The following RBFOX1 variants were observed in gnomAD, a reference collection of about 807,000 sequenced individuals.
RBFOX1 encodes RNA binding fox-1 homolog 1.
Under a neutral mutation model 57.7 loss-of-function variants are expected in RBFOX1, and 8 were observed. The observed-to-expected ratio is 0.14, with a 90% CI of 0.08 to 0.25. The LOEUF (loss-of-function observed/expected upper bound fraction) is 0.25. Ranked by LOEUF, RBFOX1 falls within the 10% of genes least tolerant of loss-of-function variation. The pLI is 1.00. For synonymous variants in RBFOX1, 326 were observed against 222.4 expected (o/e 1.47, Z -4.15); for missense variants, 611 against 548.5 (o/e 1.11, Z -1.14).
At chr16:6,882,423 C>T (rs1001152356) in intron 3 of RBFOX1, among the ~76,000 whole-genome samples, 3 of 151,982 alleles carry the variant, frequency 2.0e-5, no homozygotes, top group African/African-American at 7.3e-5. Flanking sequence ...GATGAAACCC[C>T]ATCTTCACTA....
rs977895908 is a variant in RBFOX1, at chr16:6,179,026, G to C, written c.-126-137969G>C. Among the ~76,000 whole-genome samples the C allele has an allele frequency of 3.3e-5, 5 of 152,190 alleles. No individual in the cohort carries two copies. The East Asian group carries it at 9.6e-4, about 29-fold the overall frequency. ...TGTATACCACTCAACAAGCCATCTG[G>C]AGACCATCATGGGCTGAACTCAGGT... On this transcript the variant is annotated intron_variant, in intron 1 of 15. Transcript: ENST00000550418.
intron 3 of RBFOX1, among the ~76,000 whole-genome samples, chr16:6,937,118 C>A (rs58567150): frequency 0.24 from 36,359 of 152,016 alleles, 5,870 homozygotes; most frequent in African/African-American, 0.47. Flanking sequence ...AAAAAAAGAT[C>A]CATCAGCCAG....
intron 4 of RBFOX1, among the ~76,000 whole-genome samples, chr16:7,065,158 G>A (rs1202903291): frequency 1.3e-5 from 2 of 152,192 alleles, no homozygotes; most frequent in Admixed American, 1.3e-4. Context: ...TTACCTAAAT[G>A]AGCAAGCAAC....
At chr16:5,367,020 A>G (rs757633967) in intron 1 of RBFOX1, among the ~76,000 whole-genome samples, 2 of 152,240 alleles carry the variant, frequency 1.3e-5, no homozygotes, top group Non-Finnish European at 2.9e-5. Context: ...CACAGTTTCT[A>G]TTGACTTAAT....
intron 2 of RBFOX1, among the ~76,000 whole-genome samples, chr16:6,379,746 G>T (rs750000792): frequency 1.3e-5 from 2 of 152,060 alleles, no homozygotes; most frequent in African/African-American, 4.8e-5. Context: ...CCAGAGACAG[G>T]TGGCTTTGAG....
chr16:6,962,698 C>A (rs922123451), intron 3 of RBFOX1, among the ~76,000 whole-genome samples: 5 of 152,056 alleles, frequency 3.3e-5, no homozygotes, highest in African/African-American at 1.2e-4. Flanking sequence ...AAGTCAGCCT[C>A]TACAAATAGT....
intron 3 of RBFOX1, among the ~76,000 whole-genome samples, chr16:6,773,273 GTGT>G (rs2078716555): frequency 4.1e-5 from 6 of 144,934 alleles, no homozygotes; most frequent in East Asian, 2.2e-4. Flanking sequence ...ATTTGTGTGT[GTGT>G]AAGTGTATGT....
intron 9 of RBFOX1, among the ~76,000 whole-genome samples, chr16:7,604,594 GA>G (rs1175408655): frequency 6.6e-6 from 1 of 152,154 alleles, no homozygotes; most frequent in Non-Finnish European, 1.5e-5. Flanking sequence ...ATTATAGGGG[GA>G]TAGACAGATT....
At chr16:5,269,482 C>G (rs1250716338) in intron 1 of RBFOX1, among the ~76,000 whole-genome samples, 1 of 152,234 alleles carries the variant, frequency 6.6e-6, no homozygotes, top group Non-Finnish European at 1.5e-5. Flanking sequence ...TGCCCATCAC[C>G]AGATGAAGAG....
chr16:7,544,945 A>C (rs1402493654), intron 5 of RBFOX1, among the ~76,000 whole-genome samples: 1 of 152,274 alleles, frequency 6.6e-6, no homozygotes, highest in South Asian at 2.1e-4. Flanking sequence ...CTCCAATAGC[A>C]GCTCAGTTAC....
intron 2 of RBFOX1, among the ~76,000 whole-genome samples, chr16:6,517,847 C>A (rs150729803): frequency 6.6e-6 from 1 of 152,152 alleles, no homozygotes; most frequent in African/African-American, 2.4e-5. Context: ...AGTACATAAC[C>A]AGAGATTGTA....
intron 3 of RBFOX1, among the ~76,000 whole-genome samples, 174 bp from the exon 4 acceptor site, chr16:7,051,883 A>G (rs939758589): frequency 2.6e-5 from 4 of 152,278 alleles, no homozygotes; most frequent in South Asian, 2.1e-4. Context: ...GAATCACACA[A>G]TTGAACTCCA....
At chr16:6,794,191 GC>G (rs1208861227) in intron 3 of RBFOX1, among the ~76,000 whole-genome samples, 1 of 151,976 alleles carries the variant, frequency 6.6e-6, no homozygotes, top group Non-Finnish European at 1.5e-5. Context: ...AGAAGTTGAT[GC>G]GGGATTACTG....
intron 4 of RBFOX1, among the ~76,000 whole-genome samples, chr16:5,922,179 C>G (rs2058838425): frequency 6.6e-6 from 1 of 152,020 alleles, no homozygotes; most frequent in South Asian, 2.1e-4. Flanking sequence ...AACAAACCCC[C>G]AAACCCTAGC....
intron 2 of RBFOX1, among the ~76,000 whole-genome samples, chr16:5,597,024 A>G (rs2047204707): frequency 6.6e-6 from 1 of 152,238 alleles, no homozygotes; most frequent in African/African-American, 2.4e-5. Context: ...AACTGCAAAA[A>G]GAGAAACAAT....
At chr16:6,532,781 C>A (rs1430798619) in intron 2 of RBFOX1, among the ~76,000 whole-genome samples, 1 of 152,182 alleles carries the variant, frequency 6.6e-6, no homozygotes, top group Non-Finnish European at 1.5e-5. Context: ...GTCCCCACTC[C>A]TGTGTTACCG....
chr16:7,064,092 G>C (rs1228089548), intron 4 of RBFOX1, among the ~76,000 whole-genome samples: 1 of 151,400 alleles, frequency 6.6e-6, no homozygotes, highest in Admixed American at 6.6e-5. Flanking sequence ...TGAAGCTAAG[G>C]TCTTTAAAAA....
At chr16:5,751,835 A>G (rs1420636708) in intron 3 of RBFOX1, among the ~76,000 whole-genome samples, 2 of 152,224 alleles carry the variant, frequency 1.3e-5, no homozygotes, top group Non-Finnish European at 2.9e-5. Flanking sequence ...GGGAAAGTAA[A>G]TTAGTTCAAC....
intron 1 of RBFOX1, among the ~76,000 whole-genome samples, chr16:5,433,598 A>T (rs959662179): frequency 2.6e-5 from 4 of 152,204 alleles, no homozygotes; most frequent in Non-Finnish European, 4.4e-5. Context: ...TAAAAATAGC[A>T]TCTATTTTAT....
Sources: allele counts gnomAD v4.1 joint callset (sites outside exome capture counted in the v4.1 genomes callset), GRCh38; gene constraint gnomAD v4.1.1; transcripts MANE v1.5; gene names NCBI Gene and HGNC (gene_info 2026-07-23, HGNC 2026-07-21).